TTC39A: variants seen among roughly 807,000 people sequenced by gnomAD.
The protein encoded by TTC39A is tetratricopeptide repeat protein 39A.
TTC39A carries 46 observed loss-of-function variants against 82.3 expected under a neutral mutation model. The ratio of observed to expected loss-of-function variants is 0.56; its 90% CI spans 0.44 to 0.71. TTC39A has a LOEUF of 0.71. Ranked by LOEUF, TTC39A falls within the 30% of genes least tolerant of loss-of-function variation. TTC39A has a pLI of 0.00. For synonymous variants in TTC39A, 254 were observed against 275.2 expected (o/e 0.92, Z 0.76); for missense variants, 543 against 712.9 (o/e 0.76, Z 2.71).
chr1:51,291,356 T>C (rs1644208728), intron 14 of TTC39A, among the ~76,000 whole-genome samples: 1 of 151,212 alleles, frequency 6.6e-6, no homozygotes, highest in African/African-American at 2.4e-5. Context: ...CCGGGTGTGG[T>C]GGCACACACC....
intron 11 of TTC39A, 188 bp from the exon 12 acceptor site, chr1:51,301,921 G>A (rs1288876287): frequency 1.3e-6 from 1 of 750,436 alleles, no homozygotes; most frequent in Non-Finnish European, 2.1e-6. Flanking sequence ...TACCTCCTAA[G>A]TCTTACATGA....
chr1:51,330,680 C>T (rs999239487), upstream of TTC39A: 1 of 947,018 alleles, frequency 1.1e-6, no homozygotes, highest in Non-Finnish European at 1.3e-6. The surrounding 1 kb of genome is among the most constrained non-coding windows in gnomAD (Gnocchi z 4.5). Context: ...CGCGGCGACC[C>T]GCGCTCCCGC....
chr1:51,331,724 C>T (rs1645914934), upstream of TTC39A: 1 of 985,332 alleles, frequency 1.0e-6, no homozygotes, highest in African/African-American at 1.7e-5. Flanking sequence ...ATCATCCCAT[C>T]TCTAGGAGTC....
rs1039240599 is a variant in TTC39A, at chr1:51,287,411, C to T, written c.*746G>A. 5.9e-5 allele frequency: 9 copies of T among 152,156 alleles called. No individual in the cohort carries two copies. The highest frequency in any genetic ancestry group is 2.2e-4 in the African/African-American group (9 of 41,420). The allele number at this position is 152,156 out of a possible 1,614,324, so 9.4% of individuals were successfully genotyped here. On this transcript the variant is annotated 3_prime_UTR_variant, in exon 18 of 18. Coordinates refer to ENST00000680483, the MANE Select transcript of TTC39A (RefSeq NM_001297663.2). ...CTGGATTCTGAGAACCTCCTCCTGC[C>T]CCCCAAATTTCCTGGCTTTGGCATA... is the stretch of plus-strand genomic sequence containing the variant.
At position 51,288,423 on chromosome 1, in the gene TTC39A, A is replaced by C; in HGVS notation, c.1611-143T>G. ...TCCAGAGAGAGTTGAGCCCTACCCAATGGGAGAGTTAACCAGAAGGGTTTG... is the reference window on the plus strand; with the variant it reads ...TCCAGAGAGAGTTGAGCCCTACCCACTGGGAGAGTTAACCAGAAGGGTTTG... On this transcript the variant is annotated intron_variant, in intron 17 of 17. Transcript: ENST00000680483. This position sits in a 1 kb window ranked among gnomAD's most constrained non-coding sequence, Gnocchi z 4.8. 1.5e-6 allele frequency: 2 copies of C among 1,357,198 alleles called. No individual in the cohort carries two copies. The highest frequency in any genetic ancestry group is 2.0e-6 in the Non-Finnish European group (2 of 1,002,134). 84.1% of individuals were successfully genotyped at this position (1,357,198 alleles called of 1,614,324 possible).
At chr1:51,309,513 GA>G (rs2148216513) in intron 5 of TTC39A, 188 bp from the exon 6 acceptor site, 1 of 1,379,308 alleles carries the variant, frequency 7.3e-7, no homozygotes, top group Admixed American at 3.1e-5. Flanking sequence ...CCCAGGGTTG[GA>G]CCAGCCTCCC....
chr1:51,321,469 C>T lies in TTC39A; in HGVS notation c.146+252G>A, dbSNP rs1452196954. Among the ~76,000 whole-genome samples the T allele has an allele frequency of 2.6e-5, 4 of 152,076 alleles. No homozygotes were observed. The highest frequency in any genetic ancestry group is 1.3e-4 in the Admixed American group (2 of 15,268). ...AGGATGAAACTCCAAGTGGATTCTG[C>T]GGGAACAAGTAACAAAGTGTGAAGA... On this transcript the variant is annotated intron_variant, in intron 2 of 17. Coordinates refer to ENST00000680483, the MANE Select transcript of TTC39A (RefSeq NM_001297663.2). The surrounding 1 kb of genome is among the most constrained non-coding windows in gnomAD (Gnocchi z 4.6).
At chr1:51,302,738 C>A (rs41287294) in intron 9 of TTC39A, among the ~76,000 whole-genome samples, 165 bp from the exon 10 acceptor site, 4,892 of 152,264 alleles carry the variant, frequency 0.032, 132 homozygotes, top group Non-Finnish European at 0.05. Flanking sequence ...TAAGGCAGGG[C>A]AGATATCGCC....
At chr1:51,291,674 T>G (rs1644227784) in intron 14 of TTC39A, among the ~76,000 whole-genome samples, 1 of 133,388 alleles carries the variant, frequency 7.5e-6, no homozygotes, top group African/African-American at 2.8e-5. Flanking sequence ...GGCATGGTGG[T>G]GCAAGCCTGG....
chr1:51,318,495 C>T (rs2148262876), intron 2 of TTC39A, among the ~76,000 whole-genome samples: 1 of 152,250 alleles, frequency 6.6e-6, no homozygotes, highest in South Asian at 2.1e-4. Context: ...CCTGGAACAC[C>T]CACCCCACCC....
chr1:51,316,405 C>G (rs146499193), intron 2 of TTC39A, among the ~76,000 whole-genome samples: 146 of 152,308 alleles, frequency 9.6e-4, no homozygotes, highest in African/African-American at 3.3e-3. Context: ...CAGCCTGTCC[C>G]CTCTTCCTGA....
chr1:51,296,054 A>C (rs1246764366), intron 13 of TTC39A, 25 bp downstream of exon 13: 1 of 1,558,212 alleles, frequency 6.4e-7, no homozygotes, highest in Admixed American at 1.9e-5. Context: ...TGGCCTACAC[A>C]GTGGGAGCAC....
At chr1:51,311,471 C>T (rs187779502) in intron 4 of TTC39A, 150 bp from the exon 5 acceptor site, 445 of 674,582 alleles carry the variant, frequency 6.6e-4, no homozygotes, top group African/African-American at 3.0e-3. Flanking sequence ...TGCTTCAGAG[C>T]ATTCGTCACT....
At chr1:51,303,303 C>A in intron 8 of TTC39A, 111 bp from the exon 9 acceptor site, 1 of 897,216 alleles carries the variant, frequency 1.1e-6, no homozygotes, top group Non-Finnish European at 1.7e-6. Flanking sequence ...AGCACTGGAA[C>A]CCTGGGGGCC....
In TTC39A at chr1:51,312,176, C is replaced by G; in HGVS notation, c.298G>C (p.Val100Leu). 1 of 1,609,688 alleles carries G rather than the reference C, an allele frequency of 6.2e-7. No homozygotes were observed. The change falls in exon 4 of 18, where the codon GTA (valine) becomes CTA (leucine). Residue 100 changes from valine (V) to leucine (L), a missense_variant. Physicochemically the swap from Val to Leu is conservative, Grantham distance 32. Coordinates refer to ENST00000680483, the MANE Select transcript of TTC39A (RefSeq NM_001297663.2). ...LCQRHRRKSS[V>L]TDSFSSLVNR... is the part of the protein sequence containing the mutation. The stretch of plus-strand genomic sequence containing the variant: ...ACCAGGCTGCTGAAGGAATCTGTTA[C>G]AGAAGACTTCCTCCGGTGCCTGAAG...
At chr1:51,336,099 C>G (rs1231814177), upstream of TTC39A, among the ~76,000 whole-genome samples, 1 of 152,098 alleles carries the variant, frequency 6.6e-6, no homozygotes, top group African/African-American at 2.4e-5. Context: ...TCCTCTCTCA[C>G]TGAACTGGTG....
rs759711115 is a variant in TTC39A, at chr1:51,312,949, AAAGAG to A, written c.147-11_147-7del. ...GGTACATGCTTTCCTTGGTTCTGCC[AAAGAG>A]AAGAGACGTTGAGAGCACCACCTTA... On this transcript the variant is annotated splice_region_variant and splice_polypyrimidine_tract_variant and intron_variant, in intron 2 of 17. Coordinates refer to ENST00000680483, the MANE Select transcript of TTC39A (RefSeq NM_001297663.2). 6.2e-7 allele frequency: 1 copy of A among 1,613,116 alleles called. No homozygotes were observed. The highest frequency in any genetic ancestry group is 1.1e-5 in the South Asian group (1 of 91,014).
intron 1 of TTC39A, among the ~76,000 whole-genome samples, chr1:51,338,598 CTTTTTT>C (rs982499820): frequency 8.9e-6 from 1 of 111,824 alleles, no homozygotes; most frequent in African/African-American, 3.5e-5. Flanking sequence ...GGAGATTTAT[CTTTTTT>C]TTTTTTTTTT....
chr1:51,296,437 G>A (rs1197276179), intron 12 of TTC39A, among the ~76,000 whole-genome samples: 1 of 152,246 alleles, frequency 6.6e-6, no homozygotes, highest in Non-Finnish European at 1.5e-5. Context: ...CTGGGGCTGC[G>A]GCAGAGACAC....
Sources: allele counts gnomAD v4.1 joint callset (sites outside exome capture counted in the v4.1 genomes callset), GRCh38; gene constraint gnomAD v4.1.1; non-coding constraint Gnocchi (gnomAD v3.1); transcripts MANE v1.5; gene names NCBI Gene and HGNC (gene_info 2026-07-23, HGNC 2026-07-21).